The following NXPH1 variants were observed in gnomAD, a reference collection of about 807,000 sequenced individuals.
NXPH1 encodes the protein neurexophilin 1.
A neutral mutation model predicts 23.7 loss-of-function variants in NXPH1; 5 were observed. The observed-to-expected ratio is 0.21, with a 90% CI of 0.11 to 0.44. The LOEUF (loss-of-function observed/expected upper bound fraction) is 0.44, where lower values mean the gene tolerates loss of function less well. Among genes scored for constraint, NXPH1 ranks in the 20% least tolerant of loss-of-function variants. The pLI, the probability that NXPH1 is intolerant of heterozygous loss-of-function variation, is 0.99. For missense variants in NXPH1, 324 were observed against 321.6 expected (o/e 1.01, Z -0.06); for synonymous variants, 144 against 122.2 (o/e 1.18, Z -1.18).
intron 2 of NXPH1, among the ~76,000 whole-genome samples, chr7:8,544,158 G>A (rs1262667344): frequency 6.6e-6 from 1 of 151,614 alleles, no homozygotes; most frequent in African/African-American, 2.4e-5. Context: ...ACATGCATTT[G>A]TCAATAATTT....
intron 2 of NXPH1, among the ~76,000 whole-genome samples, chr7:8,521,302 A>C (rs962939979): frequency 6.6e-6 from 1 of 152,168 alleles, no homozygotes; most frequent in African/African-American, 2.4e-5. Flanking sequence ...ACTCACTGTG[A>C]TAGAGAGTGC....
intron 2 of NXPH1, among the ~76,000 whole-genome samples, chr7:8,461,045 A>G (rs1414031459): frequency 3.3e-5 from 5 of 152,176 alleles, no homozygotes; most frequent in Admixed American, 3.3e-4. Context: ...TAAGTATTGG[A>G]TGGACTAGAA....
At chr7:8,692,384 C>T (rs1821235764) in intron 2 of NXPH1, among the ~76,000 whole-genome samples, 1 of 152,082 alleles carries the variant, frequency 6.6e-6, no homozygotes. Context: ...GTAGTGGTGA[C>T]AGCACTGGAG....
In NXPH1 at chr7:8,545,764, G is replaced by A. The variant is rs546838154; in HGVS notation, c.54+109997G>A. ...AGTGAGCTTATTAACATGCAGTAGA[G>A]AATACAAATGTTCATAACTGATACC... is the stretch of plus-strand genomic sequence containing the variant. On this transcript the variant is annotated intron_variant, in intron 2 of 2. Transcript: ENST00000405863. Among the ~76,000 whole-genome samples the A allele has an allele frequency of 3.3e-4, 50 of 151,514 alleles. 1 individual carries two copies. The highest frequency in any genetic ancestry group is 3.0e-5 in the Non-Finnish European group (2 of 67,596).
At chr7:8,734,512 A>T (rs1780213474) in intron 2 of NXPH1, among the ~76,000 whole-genome samples, 1 of 152,140 alleles carries the variant, frequency 6.6e-6, no homozygotes, top group African/African-American at 2.4e-5. Context: ...ATGAGCATGG[A>T]ATGTTTTTCC....
At chr7:8,481,498 T>A (rs1817072342) in intron 2 of NXPH1, among the ~76,000 whole-genome samples, 2 of 152,142 alleles carry the variant, frequency 1.3e-5, no homozygotes, top group African/African-American at 4.8e-5. Context: ...AGGTCAGAAG[T>A]GAAATAGTGA....
chr7:8,490,773 T>A (rs1817236580), intron 2 of NXPH1, among the ~76,000 whole-genome samples: 1 of 152,094 alleles, frequency 6.6e-6, no homozygotes, highest in African/African-American at 2.4e-5. Flanking sequence ...ATTTAAGTGA[T>A]TCTAAAGCTT....
chr7:8,515,944 G>A (rs1817680022), intron 2 of NXPH1, among the ~76,000 whole-genome samples: 2 of 152,054 alleles, frequency 1.3e-5, no homozygotes, highest in Admixed American at 6.6e-5. Flanking sequence ...ACCACCTCAT[G>A]TTCCCGCAGC....
In NXPH1 at chr7:8,435,362, G is replaced by A; in HGVS notation, c.-110-242G>A. The A allele has an allele frequency of 2.9e-6, 1 of 350,674 alleles. No individual in the cohort carries two copies. Among genetic ancestry groups the A allele is most frequent in the Non-Finnish European group, 5.3e-6 (1 of 189,720 alleles). 21.7% of individuals were successfully genotyped at this position (350,674 alleles called of 1,614,324 possible). On this transcript the variant is annotated intron_variant, in intron 1 of 2. Coordinates refer to ENST00000405863, the MANE Select transcript of NXPH1 (RefSeq NM_152745.3). The surrounding 1 kb of genome is among the most constrained non-coding windows in gnomAD (Gnocchi z 5.9). ...CTCCGCCGCCTGGGAACTCGCACCC[G>A]AGGAGCGCAGGGGGCAAGGAGCCCC...
intron 2 of NXPH1, among the ~76,000 whole-genome samples, chr7:8,533,150 G>C (rs1256406874): frequency 6.6e-6 from 1 of 152,112 alleles, no homozygotes; most frequent in South Asian, 2.1e-4. Context: ...GAGCAAAGAC[G>C]AGAATCCAAG....
chr7:8,710,454 T>C (rs1311342691), intron 2 of NXPH1, among the ~76,000 whole-genome samples: 2 of 152,160 alleles, frequency 1.3e-5, no homozygotes, highest in Admixed American at 6.5e-5. Flanking sequence ...CTGCAACTCA[T>C]ATTTTACATT....
At chr7:8,539,637 C>T (rs1419753249) in intron 2 of NXPH1, among the ~76,000 whole-genome samples, 2 of 151,694 alleles carry the variant, frequency 1.3e-5, no homozygotes, top group Admixed American at 1.3e-4. Context: ...GAATTTTTCT[C>T]ACATTTATAT....
At chr7:8,733,896 G>A (rs1233728767) in intron 2 of NXPH1, among the ~76,000 whole-genome samples, 1 of 152,016 alleles carries the variant, frequency 6.6e-6, no homozygotes, top group East Asian at 1.9e-4. Context: ...GTCCCATTTG[G>A]CAATTTTGGC....
intron 2 of NXPH1, among the ~76,000 whole-genome samples, chr7:8,531,901 T>C (rs1817954852): frequency 6.6e-6 from 1 of 152,164 alleles, no homozygotes; most frequent in Admixed American, 6.5e-5. Flanking sequence ...TCACATATGG[T>C]TGGATCTTAT....
At chr7:8,478,868 A>G (rs1266507264) in intron 2 of NXPH1, among the ~76,000 whole-genome samples, 1 of 152,062 alleles carries the variant, frequency 6.6e-6, no homozygotes, top group African/African-American at 2.4e-5. Flanking sequence ...GAAAGAAAAT[A>G]TGAGCCAAAG....
At chr7:8,499,672 C>A (rs1817398362) in intron 2 of NXPH1, among the ~76,000 whole-genome samples, 1 of 152,064 alleles carries the variant, frequency 6.6e-6, no homozygotes, top group Non-Finnish European at 1.5e-5. Context: ...TAGTGGGAAA[C>A]TCACCAAGTC....
rs376005752 is a variant in NXPH1, at chr7:8,531,864, A to AT, written c.54+96102dup. On this transcript the variant is annotated intron_variant, in intron 2 of 2. Coordinates refer to ENST00000405863, the MANE Select transcript of NXPH1 (RefSeq NM_152745.3). The stretch of plus-strand genomic sequence containing the variant: ...CATCTGGTGTTAAAGCAGTAGCAGT[A>AT]TTTTTCTGTGTCTCATAGTAGGTAT... Among the ~76,000 whole-genome samples, 298 of 152,220 alleles carry AT rather than the reference A, an allele frequency of 2.0e-3. 1 individual carries two copies. Among genetic ancestry groups the AT allele is most frequent in the African/African-American group, 6.8e-3 (282 of 41,552 alleles).
intron 2 of NXPH1, among the ~76,000 whole-genome samples, chr7:8,749,644 T>G (rs1780531445): frequency 6.6e-6 from 1 of 152,058 alleles, no homozygotes; most frequent in South Asian, 2.1e-4. Context: ...AGCTGCTGAG[T>G]AGTAATCAGG....
At chr7:8,542,515 A>C (rs915939242) in intron 2 of NXPH1, among the ~76,000 whole-genome samples, 3 of 151,672 alleles carry the variant, frequency 2.0e-5, no homozygotes. Context: ...ACAAGAGCAG[A>C]ATATACAGTG....
Sources: allele counts gnomAD v4.1 joint callset (sites outside exome capture counted in the v4.1 genomes callset), GRCh38; gene constraint gnomAD v4.1.1; non-coding constraint Gnocchi (gnomAD v3.1); transcripts MANE v1.5; gene names NCBI Gene and HGNC (gene_info 2026-07-23, HGNC 2026-07-21).